Variants in ARHGAP10 observed in about 807,000 individuals in gnomAD.
ARHGAP10 encodes the protein Rho GTPase activating protein 10, also known as rho GTPase-activating protein 10.
ARHGAP10 carries 87 observed loss-of-function variants against 108.6 expected under a neutral mutation model. The ratio of observed to expected loss-of-function variants is 0.80; its 90% CI spans 0.67 to 0.96. ARHGAP10 has a LOEUF of 0.96. Among genes scored for constraint, ARHGAP10 ranks in the 40% least tolerant of loss-of-function variants. The pLI is 0.00. For synonymous variants in ARHGAP10, 347 were observed against 341.1 expected, an observed-to-expected ratio of 1.02 and a Z score of -0.19; for missense variants, 939 against 954.5, an observed-to-expected ratio of 0.98 and a Z score of 0.21.
chr4:147,975,311 T>C (rs1739551864), intron 18 of ARHGAP10, among the ~76,000 whole-genome samples: 1 of 152,170 alleles, frequency 6.6e-6, no homozygotes, highest in Non-Finnish European at 1.5e-5. Context: ...TTTATCCTTG[T>C]TTGTAACATG....
At chr4:147,939,974 A>C in intron 14 of ARHGAP10, 75 bp downstream of exon 14, 1 of 1,330,896 alleles carries the variant, frequency 7.5e-7, no homozygotes, top group East Asian at 2.3e-5. Context: ...AATATTTCAT[A>C]ATAATGTAGA....
chr4:147,747,904 C>T (rs1729000616), intron 1 of ARHGAP10, among the ~76,000 whole-genome samples: 2 of 152,108 alleles, frequency 1.3e-5, no homozygotes, highest in Admixed American at 6.5e-5. Flanking sequence ...ACCAGTGGTT[C>T]TCAAATGGGT....
rs139087699 is a variant in ARHGAP10, at chr4:148,000,034, G to A, written c.1717-23229G>A. 3.5e-3 allele frequency among the ~76,000 whole-genome samples: 530 copies of A among 151,738 alleles called. 3 individuals carry two copies. The highest frequency in any genetic ancestry group is 0.012 in the African/African-American group (510 of 41,358). On this transcript the variant is annotated intron_variant, in intron 18 of 22. Coordinates refer to ENST00000336498, the MANE Select transcript of ARHGAP10 (RefSeq NM_024605.4). ...GTTGGTGTGCTGCACCTATTAACTGGTCATTTACATTAGGTATATCTCCTA... is the reference window on the plus strand; with the variant it reads ...GTTGGTGTGCTGCACCTATTAACTGATCATTTACATTAGGTATATCTCCTA...
intron 1 of ARHGAP10, among the ~76,000 whole-genome samples, chr4:147,747,089 C>T (rs1035128089): frequency 1.3e-5 from 2 of 151,844 alleles, no homozygotes; most frequent in African/African-American, 2.4e-5. Flanking sequence ...CCAGAAAGGC[C>T]GCTGTTTCAG....
chr4:147,874,737 T>C (rs955104178), intron 7 of ARHGAP10, among the ~76,000 whole-genome samples: 5 of 152,098 alleles, frequency 3.3e-5, no homozygotes, highest in Admixed American at 2.6e-4. Flanking sequence ...GGCAGGAATT[T>C]TTATGTTGAA....
intron 10 of ARHGAP10, among the ~76,000 whole-genome samples, chr4:147,899,809 C>G (rs1218704508): frequency 6.6e-6 from 1 of 150,380 alleles, no homozygotes; most frequent in African/African-American, 2.4e-5. Flanking sequence ...ACTTTAAAAA[C>G]TTTTTTTGGC....
At chr4:147,907,162 T>C (rs186904713) in intron 11 of ARHGAP10, among the ~76,000 whole-genome samples, 13 of 152,330 alleles carry the variant, frequency 8.5e-5, no homozygotes, top group Admixed American at 5.9e-4. Flanking sequence ...TCTAGTAGTT[T>C]ACAGTATGCA....
chr4:147,980,042 G>A (rs571497514), intron 18 of ARHGAP10, among the ~76,000 whole-genome samples: 8 of 152,278 alleles, frequency 5.3e-5, no homozygotes, highest in African/African-American at 1.7e-4. Context: ...TCTCTTGCCT[G>A]ATTGCTCTGG....
chr4:148,025,477 C>T (rs1741732017), intron 19 of ARHGAP10, among the ~76,000 whole-genome samples: 1 of 151,458 alleles, frequency 6.6e-6, no homozygotes. Flanking sequence ...AACTATTATT[C>T]TCCCTTGCCC....
intron 3 of ARHGAP10, among the ~76,000 whole-genome samples, chr4:147,837,650 T>TTTTTGTTTTTTTTTTTTTG (rs1553955210): frequency 2.7e-5 from 3 of 112,006 alleles, no homozygotes; most frequent in East Asian, 3.1e-4. Flanking sequence ...ACTGTTTTTT[T>TTTTTGTTTTTTTTTTTTTG]TTTTTTTTTT....
intron 10 of ARHGAP10, among the ~76,000 whole-genome samples, chr4:147,901,225 T>C (rs1252606909): frequency 1.3e-5 from 2 of 152,230 alleles, no homozygotes; most frequent in Non-Finnish European, 2.9e-5. Flanking sequence ...GGTTGAAACA[T>C]GTTCTAGCAA....
chr4:147,950,053 A>G (rs941643970), intron 15 of ARHGAP10, among the ~76,000 whole-genome samples: 1 of 152,236 alleles, frequency 6.6e-6, no homozygotes, highest in African/African-American at 2.4e-5. Flanking sequence ...TCACTTTTAA[A>G]CAAACATTGC....
chr4:147,755,947 G>A (rs765686325), intron 1 of ARHGAP10, among the ~76,000 whole-genome samples: 44 of 152,118 alleles, frequency 2.9e-4, no homozygotes, highest in Non-Finnish European at 5.6e-4. Flanking sequence ...TAACAGAATA[G>A]CCAGTTATCA....
intron 1 of ARHGAP10, among the ~76,000 whole-genome samples, chr4:147,807,570 A>T (rs1731841479): frequency 6.6e-6 from 1 of 152,206 alleles, no homozygotes; most frequent in Non-Finnish European, 1.5e-5. Flanking sequence ...AAATAATGGA[A>T]AAACATTTGA....
At chr4:147,949,059 T>C (rs186267029) in intron 15 of ARHGAP10, among the ~76,000 whole-genome samples, 55 of 152,308 alleles carry the variant, frequency 3.6e-4, no homozygotes, top group Non-Finnish European at 7.4e-5. Flanking sequence ...GCCTGGGTTG[T>C]CTGGTTGTCC....
intron 18 of ARHGAP10, among the ~76,000 whole-genome samples, chr4:147,987,625 G>T (rs1234283624): frequency 2.0e-5 from 3 of 152,212 alleles, no homozygotes; most frequent in Admixed American, 1.3e-4. Context: ...ATCAGACTGC[G>T]ATCTGAGCTG....
intron 1 of ARHGAP10, among the ~76,000 whole-genome samples, chr4:147,787,699 C>T (rs1284831078): frequency 6.6e-6 from 1 of 152,166 alleles, no homozygotes; most frequent in Non-Finnish European, 1.5e-5. Context: ...CAACCAATTC[C>T]CCTGTTGTCC....
chr4:147,815,667 G>C (rs1434126008), intron 1 of ARHGAP10, among the ~76,000 whole-genome samples: 1 of 152,116 alleles, frequency 6.6e-6, no homozygotes, highest in East Asian at 1.9e-4. Flanking sequence ...TACCAGCCTG[G>C]GCAATGTAGT....
At chr4:147,793,529 C>T (rs371247186) in intron 1 of ARHGAP10, among the ~76,000 whole-genome samples, 1 of 152,084 alleles carries the variant, frequency 6.6e-6, no homozygotes, top group South Asian at 2.1e-4. Context: ...GGGATCTCCC[C>T]GCATAGCTAT....
Sources: gnomAD v4.1 joint callset for allele counts (sites outside exome capture counted in the v4.1 genomes callset) on GRCh38, gnomAD v4.1.1 for gene constraint, MANE v1.5 for transcripts, NCBI Gene and HGNC (gene_info 2026-07-23, HGNC 2026-07-21) for gene names.